The following HS3ST4 variants were observed in gnomAD, a reference collection of about 807,000 sequenced individuals.
HS3ST4 encodes the protein heparan sulfate-glucosamine 3-sulfotransferase 4.
In HS3ST4, 17 loss-of-function variants were observed where a neutral mutation model predicts 29.2. The ratio of observed to expected loss-of-function variants is 0.58; its 90% CI spans 0.40 to 0.87. HS3ST4 has a LOEUF of 0.87. Ranked by LOEUF, HS3ST4 falls within the 40% of genes least tolerant of loss-of-function variation. The pLI, the probability that HS3ST4 is intolerant of heterozygous loss-of-function variation, is 0.00. For synonymous variants in HS3ST4, 314 were observed against 285.7 expected (o/e 1.10, Z -1.00); for missense variants, 627 against 634.5 (o/e 0.99, Z 0.13).
chr16:25,771,653 C>G (rs1966842365), intron 1 of HS3ST4, among the ~76,000 whole-genome samples: 1 of 152,006 alleles, frequency 6.6e-6, no homozygotes, highest in African/African-American at 2.4e-5. Context: ...ACTTGTGTGC[C>G]CCATGTAGTT....
intron 1 of HS3ST4, among the ~76,000 whole-genome samples, chr16:26,094,352 G>A (rs1898897223): frequency 6.6e-6 from 1 of 152,152 alleles, no homozygotes; most frequent in African/African-American, 2.4e-5. Context: ...AAATGTTAAG[G>A]GCAGCAAGAG....
intron 1 of HS3ST4, among the ~76,000 whole-genome samples, chr16:25,870,783 TC>T (rs2141659140): frequency 6.6e-6 from 1 of 152,290 alleles, no homozygotes; most frequent in African/African-American, 2.4e-5. Context: ...TTGCAATAGT[TC>T]AGGCAAGAGA....
intron 1 of HS3ST4, among the ~76,000 whole-genome samples, chr16:25,706,655 C>T (rs1316073003): frequency 6.6e-6 from 1 of 152,130 alleles, no homozygotes. Context: ...TTCTAACCCT[C>T]TGTGCTAGAC....
Position 25,976,500 on chromosome 16 carries a change from G to T in HS3ST4, c.735-159112G>T, listed in dbSNP as rs141668698. ...TTATTTCTTGACTGTCCCCATCATGGAATCTTCAGAAGATCTTTGATGCTT... is the reference window on the plus strand; with the variant it reads ...TTATTTCTTGACTGTCCCCATCATGTAATCTTCAGAAGATCTTTGATGCTT... On this transcript the variant is annotated intron_variant, in intron 1 of 1. Transcript: ENST00000331351. Among the ~76,000 whole-genome samples the T allele has an allele frequency of 2.6e-3, 399 of 152,230 alleles. 1 individual carries two copies. The highest frequency in any genetic ancestry group is 9.3e-3 in the African/African-American group (388 of 41,530).
chr16:25,692,669 G>A lies in HS3ST4; in HGVS notation c.252G>A (p.Leu84=), dbSNP rs1175672995. The A allele has an allele frequency of 2.3e-6, 3 of 1,324,782 alleles. No individual in the cohort carries two copies. Among genetic ancestry groups the A allele is most frequent in the South Asian group, 1.9e-5 (1 of 53,092 alleles). 82.1% of individuals were successfully genotyped at this position (1,324,782 alleles called of 1,614,324 possible). A position where few individuals can be genotyped will look rare whatever the true frequency, so the allele number is the denominator to read the frequency against. ...CGCCGAGCCCGCCGCCACCCTCTCT[G>A]CTGCCTACCCCCGTGCGCCTCGGCG... ...EPPPSPPPPS[L]LPTPVRLGAP... is the part of the protein sequence containing the mutation. The change falls in exon 1 of 2, where the codon CTG becomes CTA. Residue 84 remains leucine (L), a synonymous_variant. Coordinates refer to ENST00000331351, the MANE Select transcript of HS3ST4 (RefSeq NM_006040.3).
intron 1 of HS3ST4, among the ~76,000 whole-genome samples, chr16:25,760,139 C>T (rs571872446): frequency 6.6e-6 from 1 of 151,894 alleles, no homozygotes. Flanking sequence ...TAACTCTAAC[C>T]CTAACCCTAA....
intron 1 of HS3ST4, among the ~76,000 whole-genome samples, chr16:25,813,748 T>A (rs913448285): frequency 6.6e-6 from 1 of 152,014 alleles, no homozygotes; most frequent in Non-Finnish European, 1.5e-5. Context: ...CCAAGAAAAA[T>A]GTAATCATGT....
intron 1 of HS3ST4, among the ~76,000 whole-genome samples, chr16:25,829,895 C>T (rs1967275882): frequency 6.6e-6 from 1 of 152,140 alleles, no homozygotes; most frequent in Non-Finnish European, 1.5e-5. Context: ...GCAATCTCAG[C>T]TTAATGGAAC....
At chr16:25,721,011 G>C (rs903508073) in intron 1 of HS3ST4, among the ~76,000 whole-genome samples, 2 of 152,178 alleles carry the variant, frequency 1.3e-5, no homozygotes, top group African/African-American at 4.8e-5. Context: ...AGTTCTGTTA[G>C]CAAGAAAAGA....
chr16:25,841,344 G>T (rs1465175463), intron 1 of HS3ST4, among the ~76,000 whole-genome samples: 1 of 151,462 alleles, frequency 6.6e-6, no homozygotes, highest in Admixed American at 6.6e-5. Flanking sequence ...CTGTCACCCA[G>T]GCTGGAGTGC....
chr16:25,918,076 AC>A, intron 1 of HS3ST4, among the ~76,000 whole-genome samples: 1 of 152,288 alleles, frequency 6.6e-6, no homozygotes, highest in Non-Finnish European at 1.5e-5. Flanking sequence ...CATTTGTTTT[AC>A]CTTTCTGCAG....
intron 1 of HS3ST4, among the ~76,000 whole-genome samples, chr16:25,978,696 A>G (rs1020409827): frequency 6.6e-6 from 1 of 152,222 alleles, no homozygotes; most frequent in Non-Finnish European, 1.5e-5. Context: ...CTCAGCCAAA[A>G]TTCAGATTGA....
At chr16:25,712,615 A>G (rs188879102) in intron 1 of HS3ST4, among the ~76,000 whole-genome samples, 1 of 152,326 alleles carries the variant, frequency 6.6e-6, no homozygotes, top group Admixed American at 6.5e-5. Context: ...ATTAGAAGGC[A>G]GTACGGATAT....
At chr16:25,871,645 A>G (rs1967753692) in intron 1 of HS3ST4, among the ~76,000 whole-genome samples, 1 of 152,204 alleles carries the variant, frequency 6.6e-6, no homozygotes, top group Non-Finnish European at 1.5e-5. Flanking sequence ...AGAAAACTGA[A>G]GTACAGAGAG....
At chr16:25,867,632 G>A (rs1164275884) in intron 1 of HS3ST4, among the ~76,000 whole-genome samples, 1 of 152,148 alleles carries the variant, frequency 6.6e-6, no homozygotes, top group African/African-American at 2.4e-5. Context: ...TACAAGGCTA[G>A]TGAGGTATTT....
At chr16:26,014,585 G>A (rs1284426391) in intron 1 of HS3ST4, among the ~76,000 whole-genome samples, 2 of 152,114 alleles carry the variant, frequency 1.3e-5, no homozygotes, top group Non-Finnish European at 2.9e-5. Flanking sequence ...ATTAGCGAGA[G>A]CACACTGTAT....
At chr16:26,111,609 A>G (rs747779535) in intron 1 of HS3ST4, among the ~76,000 whole-genome samples, 2 of 152,204 alleles carry the variant, frequency 1.3e-5, no homozygotes, top group South Asian at 2.1e-4. Flanking sequence ...GAACTTTTCC[A>G]TTCCTTCAGC....
At position 26,136,551 on chromosome 16, in the gene HS3ST4, TGTC is replaced by T. The variant is rs199930144; in HGVS notation, c.*304_*306del. ...AGCCTGAAGACAGAGGATAAATAGT[TGTC>T]AATGTCAGAGACAGTGCTATTAATG... On this transcript the variant is annotated 3_prime_UTR_variant, in exon 2 of 2. Coordinates refer to ENST00000331351, the MANE Select transcript of HS3ST4 (RefSeq NM_006040.3). 3.0e-4 allele frequency: 123 copies of T among 415,138 alleles called. 1 individual carries two copies. The East Asian group carries it at 5.6e-3, about 19-fold the overall frequency. The allele number at this position is 415,138 out of a possible 1,614,324, so 25.7% of individuals were successfully genotyped here. A position where few individuals can be genotyped will look rare whatever the true frequency, so the allele number is the denominator to read the frequency against.
intron 1 of HS3ST4, among the ~76,000 whole-genome samples, chr16:25,970,878 TCTCA>T (rs753163689): frequency 1.3e-5 from 2 of 152,028 alleles, no homozygotes; most frequent in Non-Finnish European, 2.9e-5. Flanking sequence ...TGAGATGGAG[TCTCA>T]CTCTGTCGCT....
Sources: allele counts gnomAD v4.1 joint callset (sites outside exome capture counted in the v4.1 genomes callset), GRCh38; gene constraint gnomAD v4.1.1; transcripts MANE v1.5; gene names NCBI Gene and HGNC (gene_info 2026-07-23, HGNC 2026-07-21).